AKAP10: variants seen among roughly 807,000 people sequenced by gnomAD.
AKAP10 encodes the protein A-kinase anchor protein 10, mitochondrial.
In AKAP10, 24 loss-of-function variants were observed where a neutral mutation model predicts 80.8. That is an observed-to-expected ratio of 0.30 (90% CI 0.22 to 0.42). AKAP10 has a LOEUF of 0.42. Ranked by LOEUF, AKAP10 falls within the 10% of genes least tolerant of loss-of-function variation. AKAP10 has a pLI of 1.00. For synonymous variants in AKAP10, 291 were observed against 277.7 expected (o/e 1.05, Z -0.48); for missense variants, 661 against 794.9 (o/e 0.83, Z 2.03).
rs368815197 is a variant in AKAP10 at position 19,939,809 on chromosome 17, C to A, written c.1226G>T (p.Trp409Leu). 9 of 1,613,848 alleles carry A rather than the reference C, an allele frequency of 5.6e-6. No homozygotes were observed. The highest frequency in any genetic ancestry group is 5.3e-5 in the African/African-American group (4 of 74,894). The change falls in exon 8 of 15, where the codon TGG (tryptophan) becomes TTG (leucine). Residue 409 changes from tryptophan (W) to leucine (L), a missense_variant. By Grantham distance (61) the Trp-to-Leu change is moderately conservative. Transcript: ENST00000225737. The stretch of plus-strand genomic sequence containing the variant: ...AGACTGGAAGTTATCTGCTGCCAAC[C>A]AGAATTGTAAGATATTCACTGCATC... Reference protein sequence around the residue: ...KEDAVNILQFWLAADNFQSQL... With the variant: ...KEDAVNILQFLLAADNFQSQL...
At chr17:19,907,992 T>C (rs1200179038) in intron 14 of AKAP10, among the ~76,000 whole-genome samples, 2 of 152,070 alleles carry the variant, frequency 1.3e-5, no homozygotes, top group Non-Finnish European at 1.5e-5. Context: ...GCCTCCCAAG[T>C]AGCCGGGATC....
Position 19,958,152 on chromosome 17 carries a change from A to G in AKAP10, c.739T>C (p.Ser247Pro), listed in dbSNP as rs2043302663. The G allele has an allele frequency of 3.7e-6, 6 of 1,613,944 alleles. No individual in the cohort carries two copies. The highest frequency in any genetic ancestry group is 3.3e-4 in the Middle Eastern group (2 of 6,084). The change falls in exon 4 of 15, where the codon TCT (serine) becomes CCT (proline). Residue 247 changes from serine (S) to proline (P), a missense_variant. Coordinates refer to ENST00000225737, the MANE Select transcript of AKAP10 (RefSeq NM_007202.4). ...GCTCTGGCCATTTCAAGACGGAGAG[A>G]ATGGGCACTGTCACATTCCTGGGAA... ...LLSQECDSAH[S>P]LRLEMARAGT...
intron 1 of AKAP10, among the ~76,000 whole-genome samples, chr17:19,974,166 G>A (rs2043535147): frequency 6.6e-6 from 1 of 152,022 alleles, no homozygotes; most frequent in Non-Finnish European, 1.5e-5. Context: ...ACTCCAGCTT[G>A]AACGATAAGA....
At chr17:19,960,983 G>A (rs2043341673) in intron 3 of AKAP10, among the ~76,000 whole-genome samples, 1 of 151,382 alleles carries the variant, frequency 6.6e-6, no homozygotes, top group Admixed American at 6.6e-5. Context: ...CCAAAAATTG[G>A]GCCACTGCAC....
chr17:19,969,228 C>T (rs531976810), intron 1 of AKAP10, among the ~76,000 whole-genome samples: 28 of 152,262 alleles, frequency 1.8e-4, no homozygotes, highest in African/African-American at 5.5e-4. Flanking sequence ...CACCTGTAAG[C>T]CCAGCTACTT....
chr17:19,931,996 CATT>C lies in AKAP10; in HGVS notation c.1468-21_1468-19del, dbSNP rs1303791873. On this transcript the variant is annotated intron_variant, in intron 9 of 14. Coordinates refer to ENST00000225737, the MANE Select transcript of AKAP10 (RefSeq NM_007202.4). ...AAAAAGACCTGATAGAGATGAAAAG[CATT>C]ATTTTAAAGTTGAAATCAAATCCAA... The C allele has an allele frequency of 2.3e-5, 36 of 1,594,518 alleles. No individual in the cohort carries two copies. The highest frequency in any genetic ancestry group is 3.1e-5 in the Non-Finnish European group (36 of 1,171,868).
rs572332460 is a variant in AKAP10, at chr17:19,914,684, G to C, written c.1835-4706C>G. 3.3e-5 allele frequency among the ~76,000 whole-genome samples: 5 copies of C among 150,592 alleles called. No individual in the cohort carries two copies. The South Asian group carries it at 1.1e-3, about 32-fold the overall frequency. On this transcript the variant is annotated intron_variant, in intron 12 of 14. Coordinates refer to ENST00000225737, the MANE Select transcript of AKAP10 (RefSeq NM_007202.4). Reference sequence around the variant, plus strand: ...GAAAAGAAAAGAAAGAAGTGGTAGTGAGTGGTATATACAAAGGATTTTAGA... The same window carrying C: ...GAAAAGAAAAGAAAGAAGTGGTAGTCAGTGGTATATACAAAGGATTTTAGA...
At chr17:19,946,163 TATA>T (rs1271592724) in intron 5 of AKAP10, among the ~76,000 whole-genome samples, 47 of 112,646 alleles carry the variant, frequency 4.2e-4, no homozygotes, top group Non-Finnish European at 7.2e-4. Context: ...TATACTAATA[TATA>T]ATATATACTA....
chr17:19,918,282 G>A (rs1597491162), intron 12 of AKAP10, among the ~76,000 whole-genome samples: 3 of 151,632 alleles, frequency 2.0e-5, no homozygotes, highest in African/African-American at 4.8e-5. Context: ...AATCATGCCT[G>A]TAATCCCAGC....
intron 11 of AKAP10, among the ~76,000 whole-genome samples, chr17:19,921,419 G>C (rs927930116): frequency 1.3e-5 from 2 of 151,734 alleles, no homozygotes; most frequent in African/African-American, 4.8e-5. Flanking sequence ...GCCTCCCAAA[G>C]TGCTGGGATT....
intron 10 of AKAP10, among the ~76,000 whole-genome samples, chr17:19,926,966 C>CA (rs2042881290): frequency 6.6e-6 from 1 of 151,932 alleles, no homozygotes; most frequent in Non-Finnish European, 1.5e-5. Context: ...ACTAAAAATG[C>CA]AAAAAAATTA....
rs2042627767 is a variant in AKAP10, at chr17:19,905,934, C to T, written c.*293G>A. On this transcript the variant is annotated 3_prime_UTR_variant, in exon 15 of 15. Transcript: ENST00000225737. The stretch of plus-strand genomic sequence containing the variant: ...CCCTGTCTATTCCAGTAGGCTAAAA[C>T]ACTCTCATAAATGGGTTATTGCCAT... 1 of 391,390 alleles carries T rather than the reference C, an allele frequency of 2.6e-6. No individual in the cohort carries two copies. Among genetic ancestry groups the T allele is most frequent in the Admixed American group, 3.8e-5 (1 of 26,504 alleles). 24.2% of individuals were successfully genotyped at this position (391,390 alleles called of 1,614,324 possible).
intron 11 of AKAP10, among the ~76,000 whole-genome samples, chr17:19,921,767 G>A (rs921078683): frequency 6.6e-6 from 1 of 152,058 alleles, no homozygotes; most frequent in African/African-American, 2.4e-5. Flanking sequence ...CTGGGTATAA[G>A]AGGGAAAAAC....
intron 1 of AKAP10, among the ~76,000 whole-genome samples, chr17:19,973,987 G>A (rs770102770): frequency 6.6e-6 from 1 of 152,190 alleles, no homozygotes; most frequent in Non-Finnish European, 1.5e-5. Context: ...CAGATCACCT[G>A]AGGTCAGGAG....
At chr17:19,964,378 C>G (rs1281573759) in intron 2 of AKAP10, among the ~76,000 whole-genome samples, 1 of 152,180 alleles carries the variant, frequency 6.6e-6, no homozygotes, top group Non-Finnish European at 1.5e-5. Context: ...CTAATTTCCT[C>G]TTCTATCTGC....
At position 19,946,271 on chromosome 17, in the gene AKAP10, ATATATTT is replaced by A. The variant is rs1567766015; in HGVS notation, c.976+1129_976+1135del. ...TATATATATATATATATATATATAT[ATATATTT>A]TTTTTTTTTTTTTTTTTTTTTGGCA... is the stretch of plus-strand genomic sequence containing the variant. On this transcript the variant is annotated intron_variant, in intron 5 of 14. Transcript: ENST00000225737. Among the ~76,000 whole-genome samples the A allele has an allele frequency of 5.7e-3, 134 of 23,342 alleles. 8 individuals carry two copies. Among genetic ancestry groups the A allele is most frequent in the African/African-American group, 0.022 (130 of 5,854 alleles). 15.3% of individuals were successfully genotyped at this position (23,342 alleles called of 152,430 possible).
intron 8 of AKAP10, among the ~76,000 whole-genome samples, chr17:19,937,144 T>C (rs1045703306): frequency 1.3e-5 from 2 of 152,086 alleles, no homozygotes; most frequent in Non-Finnish European, 2.9e-5. Flanking sequence ...TCTAATGGTT[T>C]CTATGTCCTG....
intron 12 of AKAP10, among the ~76,000 whole-genome samples, chr17:19,919,627 T>C (rs1009683460): frequency 2.0e-5 from 3 of 150,722 alleles, no homozygotes; most frequent in African/African-American, 7.3e-5. Context: ...GAGGTTGCAG[T>C]GAGGTGCGGT....
rs61148312 is a variant in AKAP10, at chr17:19,920,855, C to CAAA, written c.1752-740_1752-738dup. Among the ~76,000 whole-genome samples, 67 of 35,306 alleles carry CAAA rather than the reference C, an allele frequency of 1.9e-3. 1 individual carries two copies. The highest frequency in any genetic ancestry group is 6.8e-3 in the African/African-American group (58 of 8,586). 23.2% of individuals were successfully genotyped at this position (35,306 alleles called of 152,430 possible). On this transcript the variant is annotated intron_variant, in intron 11 of 14. Coordinates refer to ENST00000225737, the MANE Select transcript of AKAP10 (RefSeq NM_007202.4). ...TGGGCAACAGAGCAAGACTCTATCT[C>CAAA]AAAAAAAAAAAAAAAAAAAAAAAAA...
Sources: gnomAD v4.1 joint callset for allele counts (sites outside exome capture counted in the v4.1 genomes callset) on GRCh38, gnomAD v4.1.1 for gene constraint, MANE v1.5 for transcripts, NCBI Gene and HGNC (gene_info 2026-07-23, HGNC 2026-07-21) for gene names.